The following DSC3 variants were observed in gnomAD, a reference collection of about 807,000 sequenced individuals.
The protein encoded by DSC3 is desmocollin 3, also known as desmocollin-3.
Under a neutral mutation model 89.5 loss-of-function variants are expected in DSC3, and 97 were observed. The observed-to-expected ratio is 1.08, with a 90% confidence interval of 0.92 to 1.28. The LOEUF (loss-of-function observed/expected upper bound fraction) is 1.28. DSC3 is among the 50% of genes most tolerant of loss of function. The pLI is 0.00. For synonymous variants in DSC3, 436 were observed against 384.1 expected (o/e 1.14, Z -1.58); for missense variants, 1,199 against 1,085.3 (o/e 1.10, Z -1.47).
chr18:31,018,756 A>G lies in DSC3; in HGVS notation c.987T>C (p.Asp329=), dbSNP rs199667130. 3.7e-6 allele frequency: 6 copies of G among 1,613,880 alleles called. No individual in the cohort carries two copies. The East Asian group carries it at 6.7e-5, about 18-fold the overall frequency. ...YSLIMKVQDM[D]GQFFGLIGTS... is the part of the protein sequence containing the mutation. Reference sequence around the variant, plus strand: ...TGCCTATCAATCCAAAAAACTGGCCATCCATGTCTTGTACTTTCATTATCA... The same window carrying G: ...TGCCTATCAATCCAAAAAACTGGCCGTCCATGTCTTGTACTTTCATTATCA... Residue 329 remains aspartate (D), a synonymous_variant, in exon 8 of 16, where the codon GAT becomes GAC. Coordinates refer to ENST00000360428, the MANE Select transcript of DSC3 (RefSeq NM_001941.5).
intron 7 of DSC3, among the ~76,000 whole-genome samples, chr18:31,019,178 C>A (rs1234152227): frequency 6.6e-6 from 1 of 152,202 alleles, no homozygotes; most frequent in African/African-American, 2.4e-5. Flanking sequence ...CTCACTGCAA[C>A]CTCCGCCTCC....
intron 14 of DSC3, among the ~76,000 whole-genome samples, chr18:30,998,645 A>C (rs2144676286): frequency 6.6e-6 from 1 of 152,296 alleles, no homozygotes; most frequent in African/African-American, 2.4e-5. Flanking sequence ...ATCACATTTT[A>C]AGGGGAGGGT....
intron 1 of DSC3, among the ~76,000 whole-genome samples, chr18:31,041,972 G>GC (rs982626623): frequency 6.6e-6 from 1 of 151,668 alleles, no homozygotes; most frequent in Non-Finnish European, 1.5e-5. Flanking sequence ...ACACTTTCGC[G>GC]CCCCCGGCAC....
At position 30,992,055 on chromosome 18, in the gene DSC3, C is replaced by T. The variant is rs530681520; in HGVS notation, c.*2120G>A. The T allele has an allele frequency of 1.3e-5, 2 of 151,342 alleles. No homozygotes were observed. Among genetic ancestry groups the T allele is most frequent in the Non-Finnish European group, 2.9e-5 (2 of 67,976 alleles). The allele number at this position is 151,342 out of a possible 1,614,324, so 9.4% of individuals were successfully genotyped here. Reference sequence around the variant, plus strand: ...TGGTGGGCGCCTGTAGTCCCAGCTACTCAGGAGGCTGAGGCAGGAGAATGG... The same window carrying T: ...TGGTGGGCGCCTGTAGTCCCAGCTATTCAGGAGGCTGAGGCAGGAGAATGG... On this transcript the variant is annotated 3_prime_UTR_variant, in exon 16 of 16. Coordinates refer to ENST00000360428, the MANE Select transcript of DSC3 (RefSeq NM_001941.5).
intron 15 of DSC3, among the ~76,000 whole-genome samples, chr18:30,996,532 C>A (rs1984472105): frequency 6.6e-6 from 1 of 152,028 alleles, no homozygotes; most frequent in East Asian, 1.9e-4. Flanking sequence ...AAATACACAA[C>A]TAAAAATGAG....
intron 1 of DSC3, among the ~76,000 whole-genome samples, chr18:31,035,709 T>A (rs1409448168): frequency 6.6e-6 from 1 of 152,100 alleles, no homozygotes; most frequent in African/African-American, 2.4e-5. Context: ...CCCATCTAGA[T>A]CTTTAAAAAA....
rs1984377140 is a variant in DSC3 at position 30,994,257 on chromosome 18, T to A, written c.2609A>T (p.Lys870Met). ...AAAGTCAAGGCCATCTTCTTCCTGC[T>A]TTTCACTGCAGCAGCCCACAGAACC... is the stretch of plus-strand genomic sequence containing the variant. ...PAGSVGCCSE[K>M]QEEDGLDFLN... The change falls in exon 16 of 16, where the codon AAG becomes ATG. Residue 870 changes from lysine (K) to methionine (M), a missense_variant. Transcript: ENST00000360428. 1 of 1,614,122 alleles carries A rather than the reference T, an allele frequency of 6.2e-7. No individual in the cohort carries two copies. Among genetic ancestry groups the A allele is most frequent in the Non-Finnish European group, 8.5e-7 (1 of 1,179,996 alleles).
At position 31,007,176 on chromosome 18, in the gene DSC3, C is replaced by A. The variant is rs768759590; in HGVS notation, c.1664-45G>T. On this transcript the variant is annotated intron_variant, in intron 11 of 15. Coordinates refer to ENST00000360428, the MANE Select transcript of DSC3 (RefSeq NM_001941.5). Reference sequence around the variant, plus strand: ...GTTTAGTGTTATTTTAAAATTCTTTCATAGTTTCTTAAAGAATAAAAAGTC... The same window carrying A: ...GTTTAGTGTTATTTTAAAATTCTTTAATAGTTTCTTAAAGAATAAAAAGTC... 2.1e-6 allele frequency: 3 copies of A among 1,453,064 alleles called. No homozygotes were observed. The Admixed American group carries it at 5.1e-5, about 25-fold the overall frequency. The allele number at this position is 1,453,064 out of a possible 1,614,324, so 90.0% of individuals were successfully genotyped here. A position where few individuals can be genotyped will look rare whatever the true frequency, so the allele number is the denominator to read the frequency against.
intron 1 of DSC3, 64 bp from the exon 2 acceptor site, chr18:31,032,340 C>T (rs1046246952): frequency 2.0e-5 from 25 of 1,278,012 alleles, no homozygotes; most frequent in African/African-American, 3.0e-5. Flanking sequence ...ATAATCATAT[C>T]AATAGATGTA....
intron 1 of DSC3, among the ~76,000 whole-genome samples, chr18:31,036,032 T>G (rs1057383211): frequency 2.6e-5 from 4 of 152,148 alleles, no homozygotes; most frequent in African/African-American, 4.8e-5. Flanking sequence ...CTATTGATGG[T>G]TATTTAGATT....
At chr18:31,040,559 G>T (rs1195177336) in intron 1 of DSC3, among the ~76,000 whole-genome samples, 1 of 152,018 alleles carries the variant, frequency 6.6e-6, no homozygotes, top group African/African-American at 2.4e-5. Context: ...AGTGTGGTGG[G>T]GCACACGGTG....
In DSC3 at chr18:30,997,027, T is replaced by A; in HGVS notation, c.2257A>T (p.Thr753Ser). Reference protein sequence around the residue: ...DRVCSANGFMTQTTNNSSQGF... With the variant: ...DRVCSANGFMSQTTNNSSQGF... ...TGGCTAGAGTTGTTGGTAGTTTGGGTCATAAATCCATTGGCAGAGCACTGA... is the reference window on the plus strand; with the variant it reads ...TGGCTAGAGTTGTTGGTAGTTTGGGACATAAATCCATTGGCAGAGCACTGA... The change falls in exon 15 of 16, where the codon ACC (threonine) becomes TCC (serine). Residue 753 changes from threonine to serine, a missense_variant. Thr to Ser is a moderately conservative substitution (Grantham distance 58). Coordinates refer to ENST00000360428, the MANE Select transcript of DSC3 (RefSeq NM_001941.5). The A allele has an allele frequency of 6.2e-7, 1 of 1,614,136 alleles. No homozygotes were observed. Among genetic ancestry groups the A allele is most frequent in the Middle Eastern group, 1.6e-4 (1 of 6,062 alleles).
rs1049180057 is a variant in DSC3 at position 30,991,135 on chromosome 18, A to C, written c.*3040T>G. The stretch of plus-strand genomic sequence containing the variant: ...TACTTTACGCATCCAATTTTTGCTT[A>C]TTTTAAGCAGCCAAGTTTCTTTAAA... On this transcript the variant is annotated 3_prime_UTR_variant, in exon 16 of 16. Transcript: ENST00000360428. 1 of 152,610 alleles carries C rather than the reference A, an allele frequency of 6.6e-6. No individual in the cohort carries two copies. The highest frequency in any genetic ancestry group is 1.9e-4 in the East Asian group (1 of 5,204). 9.5% of individuals were successfully genotyped at this position (152,610 alleles called of 1,614,324 possible).
chr18:31,001,294 G>C (rs955707511), intron 14 of DSC3, among the ~76,000 whole-genome samples: 3 of 151,310 alleles, frequency 2.0e-5, no homozygotes, highest in African/African-American at 7.3e-5. Flanking sequence ...TGGTCAACAA[G>C]TTACATAAAC....
intron 5 of DSC3, among the ~76,000 whole-genome samples, chr18:31,024,785 C>G (rs1274095811): frequency 6.6e-6 from 1 of 152,060 alleles, no homozygotes; most frequent in African/African-American, 2.4e-5. Context: ...TATAAATTCT[C>G]TCTATAATCA....
chr18:31,022,524 A>T, intron 6 of DSC3, 22 bp from the exon 7 acceptor site: 1 of 1,613,496 alleles, frequency 6.2e-7, no homozygotes. Flanking sequence ...AAAATAAAAC[A>T]GCCTTTAATT....
chr18:31,026,578 T>A (rs1985606393), intron 4 of DSC3, among the ~76,000 whole-genome samples: 1 of 151,876 alleles, frequency 6.6e-6, no homozygotes, highest in Non-Finnish European at 1.5e-5. Context: ...TGGTGAGAAG[T>A]GGTTAGATTC....
At position 31,024,407 on chromosome 18, in the gene DSC3, GTTGTCA is replaced by G; in HGVS notation, c.711_716del (p.Asp238_Asn239del). 6.2e-7 allele frequency: 1 copy of G among 1,609,908 alleles called. No individual in the cohort carries two copies. Among genetic ancestry groups the G allele is most frequent in the Admixed American group, 1.7e-5 (1 of 59,722 alleles). On this transcript the variant is annotated inframe_deletion, in exon 6 of 16. Transcript: ENST00000360428. Reference sequence around the variant, plus strand: ...AAATTGCTTCTGTGAAAACAGGGTGGTTGTCATTTTCATCCTCTACCCTGATGGGTA... The same window carrying G: ...AAATTGCTTCTGTGAAAACAGGGTGGTTTTCATCCTCTACCCTGATGGGTA...
intron 12 of DSC3, 25 bp from the exon 13 acceptor site, chr18:31,004,391 T>C (rs756095796): frequency 5.0e-6 from 8 of 1,592,820 alleles, no homozygotes; most frequent in East Asian, 2.2e-5. Context: ...AAGAAGTTTA[T>C]TTTTTAATGA....
Sources: gnomAD v4.1 joint callset for allele counts (sites outside exome capture counted in the v4.1 genomes callset) on GRCh38, gnomAD v4.1.1 for gene constraint, MANE v1.5 for transcripts, NCBI Gene and HGNC (gene_info 2026-07-23, HGNC 2026-07-21) for gene names.